The following AUTS2 variants were observed in gnomAD, a reference collection of about 807,000 sequenced individuals.
AUTS2 encodes the protein activator of transcription and developmental regulator AUTS2, also known as autism susceptibility gene 2 protein.
In AUTS2, 17 loss-of-function variants were observed where a neutral mutation model predicts 112.4. The ratio of observed to expected loss-of-function variants is 0.15; its 90% CI spans 0.10 to 0.23. The LOEUF is 0.23. Ranked by LOEUF, AUTS2 falls within the 10% of genes least tolerant of loss-of-function variation. The pLI, the probability that AUTS2 is intolerant of heterozygous loss-of-function variation, is 1.00. For synonymous variants in AUTS2, 751 were observed against 702.7 expected, an observed-to-expected ratio of 1.07 and a Z score of -1.09; for missense variants, 1,510 against 1,701.6, an observed-to-expected ratio of 0.89 and a Z score of 1.98.
chr7:70,045,584 A>G (rs904949584), intron 2 of AUTS2, among the ~76,000 whole-genome samples: 1 of 150,796 alleles, frequency 6.6e-6, no homozygotes, highest in Admixed American at 6.6e-5. Context: ...TGCAACTCAC[A>G]TTATTTTATT....
intron 5 of AUTS2, among the ~76,000 whole-genome samples, chr7:70,458,743 A>C (rs1796847161): frequency 6.6e-6 from 1 of 151,934 alleles, no homozygotes; most frequent in Admixed American, 6.6e-5. Context: ...AAACCCAAAC[A>C]CGGAAAAGCC....
At chr7:70,372,211 G>A (rs941835802) in intron 4 of AUTS2, among the ~76,000 whole-genome samples, 1 of 152,208 alleles carries the variant, frequency 6.6e-6, no homozygotes, top group Non-Finnish European at 1.5e-5. Flanking sequence ...AGAAATGTCA[G>A]TAATTCAACA....
intron 2 of AUTS2, among the ~76,000 whole-genome samples, chr7:69,953,730 A>G (rs1482409829): frequency 6.6e-6 from 1 of 152,188 alleles, no homozygotes; most frequent in African/African-American, 2.4e-5. Flanking sequence ...CTTCATAGAA[A>G]TACCTTGTTC....
At chr7:69,889,280 A>G (rs1584397764) in intron 1 of AUTS2, among the ~76,000 whole-genome samples, 1 of 152,226 alleles carries the variant, frequency 6.6e-6, no homozygotes, top group African/African-American at 2.4e-5. Context: ...ATGAAGTCAT[A>G]GCCATTGTCC....
chr7:70,593,272 A>G (rs533964447), intron 5 of AUTS2, among the ~76,000 whole-genome samples: 1 of 152,358 alleles, frequency 6.6e-6, no homozygotes, highest in South Asian at 2.1e-4. Context: ...AGCACTTAGA[A>G]TAATGCTTCG....
intron 4 of AUTS2, among the ~76,000 whole-genome samples, chr7:70,250,597 A>G (rs914340439): frequency 6.6e-6 from 1 of 152,226 alleles, no homozygotes; most frequent in African/African-American, 2.4e-5. Flanking sequence ...TTACAATAGC[A>G]AAGAAATGGA....
At chr7:70,355,042 GTA>G (rs1471709507) in intron 4 of AUTS2, among the ~76,000 whole-genome samples, 9 of 150,590 alleles carry the variant, frequency 6.0e-5, no homozygotes, top group South Asian at 4.2e-4. Context: ...GTGTGTGTAT[GTA>G]TGTGTGTGTG....
At chr7:70,426,872 C>T (rs1446595292) in intron 4 of AUTS2, among the ~76,000 whole-genome samples, 1 of 149,714 alleles carries the variant, frequency 6.7e-6, no homozygotes, top group African/African-American at 2.6e-5. Flanking sequence ...AAAAAATAGA[C>T]TCTTGTATTA....
intron 4 of AUTS2, among the ~76,000 whole-genome samples, chr7:70,423,849 C>T (rs967241714): frequency 6.6e-6 from 1 of 152,104 alleles, no homozygotes. Context: ...TCTTTAAACA[C>T]GTCCTGAGCA....
intron 2 of AUTS2, among the ~76,000 whole-genome samples, chr7:70,074,935 C>T (rs1802956610): frequency 6.6e-6 from 1 of 152,150 alleles, no homozygotes; most frequent in African/African-American, 2.4e-5. Context: ...AATTTACCTC[C>T]TCTTTTGAGC....
intron 1 of AUTS2, among the ~76,000 whole-genome samples, chr7:69,748,497 C>T (rs1330611496): frequency 6.6e-6 from 1 of 152,164 alleles, no homozygotes; most frequent in Non-Finnish European, 1.5e-5. Context: ...AAATAGCTGT[C>T]ACAAAGCTGG....
intron 1 of AUTS2, among the ~76,000 whole-genome samples, chr7:69,815,849 G>A (rs1438724019): frequency 6.6e-6 from 1 of 152,174 alleles, no homozygotes; most frequent in Admixed American, 6.5e-5. Context: ...ACACATTTCA[G>A]CTGCGCATAT....
At chr7:70,210,421 A>T (rs778695556) in intron 4 of AUTS2, among the ~76,000 whole-genome samples, 6 of 152,388 alleles carry the variant, frequency 3.9e-5, no homozygotes, top group Non-Finnish European at 7.3e-5. Flanking sequence ...AAGCAGAGAC[A>T]TGTATTAAAT....
intron 5 of AUTS2, among the ~76,000 whole-genome samples, chr7:70,549,493 A>C (rs557143282): frequency 1.8e-4 from 27 of 152,372 alleles, no homozygotes; most frequent in South Asian, 4.1e-4. Flanking sequence ...TTACAGAGGC[A>C]AAGGGAAGAA....
intron 4 of AUTS2, among the ~76,000 whole-genome samples, chr7:70,265,094 C>G (rs1475363821): frequency 3.9e-5 from 6 of 152,124 alleles, no homozygotes; most frequent in Admixed American, 3.3e-4. Context: ...TTAAAAACAG[C>G]ATTTATTGCT....
At chr7:69,737,426 T>TCA (rs1787080867) in intron 1 of AUTS2, among the ~76,000 whole-genome samples, 1 of 152,136 alleles carries the variant, frequency 6.6e-6, no homozygotes, top group African/African-American at 2.4e-5. Flanking sequence ...GCCACCTAGC[T>TCA]AGTAAAAGTC....
At chr7:70,468,006 G>A (rs533238084) in intron 5 of AUTS2, among the ~76,000 whole-genome samples, 142 of 152,316 alleles carry the variant, frequency 9.3e-4, no homozygotes, top group African/African-American at 3.2e-3. Context: ...TGCCGGAGAA[G>A]ACAAGAAGAT....
At chr7:69,628,250 G>T (rs1458655567) in intron 1 of AUTS2, among the ~76,000 whole-genome samples, 1 of 152,196 alleles carries the variant, frequency 6.6e-6, no homozygotes, top group Non-Finnish European at 1.5e-5. Flanking sequence ...CTTGGAGCCT[G>T]TGTTTGTTGT....
intron 1 of AUTS2, among the ~76,000 whole-genome samples, chr7:69,752,500 T>C (rs956728755): frequency 6.6e-6 from 1 of 152,250 alleles, no homozygotes; most frequent in Non-Finnish European, 1.5e-5. Context: ...TGAATGTGTT[T>C]TTGCCAATAA....
Sources: allele counts gnomAD v4.1 joint callset (sites outside exome capture counted in the v4.1 genomes callset), GRCh38; gene constraint gnomAD v4.1.1; transcripts MANE v1.5; gene names NCBI Gene and HGNC (gene_info 2026-07-23, HGNC 2026-07-21).